The following EFR3A variants were observed in gnomAD, a reference collection of about 807,000 sequenced individuals.
The protein encoded by EFR3A is protein EFR3 homolog A.
Under a neutral mutation model 104.4 loss-of-function variants are expected in EFR3A, and 76 were observed. The observed-to-expected ratio is 0.73, with a 90% CI of 0.60 to 0.88. The LOEUF (loss-of-function observed/expected upper bound fraction) is 0.88, where lower values mean the gene tolerates loss of function less well. EFR3A is among the 40% of genes least tolerant of loss of function. The probability of loss-of-function intolerance (pLI) is 0.00; values close to 1 mark genes in which losing one functional copy is unlikely to be tolerated. For synonymous variants in EFR3A, 330 were observed against 330.0 expected, an observed-to-expected ratio of 1.00 and a Z score of 0.00; for missense variants, 985 against 1,012.5, an observed-to-expected ratio of 0.97 and a Z score of 0.37.
At chr8:131,968,675 A>G (rs1052295407) in intron 9 of EFR3A, among the ~76,000 whole-genome samples, 1 of 152,060 alleles carries the variant, frequency 6.6e-6, no homozygotes, top group Non-Finnish European at 1.5e-5. Context: ...TTGAGTATTG[A>G]TTATATACTG....
intron 8 of EFR3A, among the ~76,000 whole-genome samples, chr8:131,963,759 A>C (rs1186522704): frequency 6.6e-6 from 1 of 152,196 alleles, no homozygotes; most frequent in Non-Finnish European, 1.5e-5. Context: ...CCTGGCAGAG[A>C]CACATCAAAA....
intron 1 of EFR3A, among the ~76,000 whole-genome samples, chr8:131,922,024 G>A (rs770675661): frequency 2.6e-5 from 4 of 152,096 alleles, no homozygotes; most frequent in Non-Finnish European, 4.4e-5. Flanking sequence ...ACCAAGGTTT[G>A]GGCAGGATCA....
intron 9 of EFR3A, among the ~76,000 whole-genome samples, chr8:131,969,687 T>C (rs1289836974): frequency 1.3e-5 from 2 of 152,188 alleles, no homozygotes; most frequent in Non-Finnish European, 2.9e-5. Context: ...TTTTCTGTTT[T>C]ATCTTGTAAC....
chr8:131,955,692 A>G (rs960128397), intron 6 of EFR3A, 76 bp from the exon 7 acceptor site: 3 of 1,471,554 alleles, frequency 2.0e-6, no homozygotes, highest in Non-Finnish European at 2.7e-6. Flanking sequence ...ACATTTCTAA[A>G]AAGTAAAGTA....
chr8:131,968,081 A>G lies in EFR3A; in HGVS notation c.856-214A>G, dbSNP rs574606480. ...TTTATTAAACATAGAATTGTGCAGTATGCTTTTTTTCACTCAGAGTGTCAT... is the reference window on the plus strand; with the variant it reads ...TTTATTAAACATAGAATTGTGCAGTGTGCTTTTTTTCACTCAGAGTGTCAT... On this transcript the variant is annotated intron_variant, in intron 8 of 22. Transcript: ENST00000254624. Among the ~76,000 whole-genome samples the G allele has an allele frequency of 2.0e-5, 3 of 152,258 alleles. No individual in the cohort carries two copies. The South Asian group carries it at 6.2e-4, about 32-fold the overall frequency.
intron 1 of EFR3A, among the ~76,000 whole-genome samples, chr8:131,929,735 T>C (rs1167459490): frequency 1.3e-5 from 2 of 152,152 alleles, no homozygotes; most frequent in Admixed American, 1.3e-4. Context: ...CCCATTTATG[T>C]ATATTTCTGA....
At chr8:131,943,039 A>G (rs1053582873) in intron 2 of EFR3A, among the ~76,000 whole-genome samples, 16 of 152,214 alleles carry the variant, frequency 1.1e-4, no homozygotes, top group African/African-American at 3.9e-4. Context: ...AACATCCCTA[A>G]TCCAAAAACC....
chr8:131,996,839 A>G (rs1287980269), intron 19 of EFR3A, among the ~76,000 whole-genome samples: 3 of 152,136 alleles, frequency 2.0e-5, no homozygotes, highest in Non-Finnish European at 4.4e-5. Flanking sequence ...TGGGCCCTCT[A>G]GGTCCTACTT....
At chr8:132,006,289 A>G (rs1330867573) in intron 22 of EFR3A, among the ~76,000 whole-genome samples, 1 of 152,134 alleles carries the variant, frequency 6.6e-6, no homozygotes, top group Admixed American at 6.5e-5. Flanking sequence ...TTGTTCTTTG[A>G]AATGGTTGAT....
intron 5 of EFR3A, among the ~76,000 whole-genome samples, chr8:131,952,133 TACCACCACCACC>T (rs916628157): frequency 2.0e-5 from 3 of 151,734 alleles, no homozygotes; most frequent in Non-Finnish European, 2.9e-5. Flanking sequence ...TGGTAGAAAT[TACCACCACCACC>T]ACCACCACCA....
intron 12 of EFR3A, among the ~76,000 whole-genome samples, chr8:131,977,970 T>C (rs1381256247): frequency 6.6e-6 from 1 of 152,184 alleles, no homozygotes; most frequent in African/African-American, 2.4e-5. Context: ...TTTAGAACTT[T>C]AATCTGAAGT....
At chr8:131,933,744 T>C (rs1041145971) in intron 1 of EFR3A, among the ~76,000 whole-genome samples, 1 of 151,588 alleles carries the variant, frequency 6.6e-6, no homozygotes, top group African/African-American at 2.4e-5. Flanking sequence ...AAAATTGTAA[T>C]AGTGGGAAAA....
intron 1 of EFR3A, among the ~76,000 whole-genome samples, chr8:131,907,215 T>C (rs1802841366): frequency 6.6e-6 from 1 of 152,238 alleles, no homozygotes; most frequent in Non-Finnish European, 1.5e-5. Flanking sequence ...TGCATTTGCT[T>C]CCATCCTGTC....
Position 132,011,363 on chromosome 8 carries a change from G to T in EFR3A, c.*468G>T. On this transcript the variant is annotated 3_prime_UTR_variant, in exon 23 of 23. Coordinates refer to ENST00000254624, the MANE Select transcript of EFR3A (RefSeq NM_015137.6). ...TAGTCCTGGGACTGCAAAACTGTTC[G>T]GTGGCTTTTTGTCCCCATGCTTTAG... 1.0e-6 allele frequency: 1 copy of T among 986,094 alleles called. No homozygotes were observed. The highest frequency in any genetic ancestry group is 1.2e-6 in the Non-Finnish European group (1 of 830,404). The allele number at this position is 986,094 out of a possible 1,614,324, so 61.1% of individuals were successfully genotyped here.
Position 131,904,148 on chromosome 8 carries a change from G to C in EFR3A, c.-165G>C, listed in dbSNP as rs1328161921. On this transcript the variant is annotated 5_prime_UTR_variant, in exon 1 of 23. Coordinates refer to ENST00000254624, the MANE Select transcript of EFR3A (RefSeq NM_015137.6). ...TGGCGGCGGTAGCTGTCGCCCGCTT[G>C]GTTGCGTGACCGCGGGGTCCGCGTC... 1.3e-6 allele frequency: 1 copy of C among 775,316 alleles called. No homozygotes were observed. Among genetic ancestry groups the C allele is most frequent in the East Asian group, 3.5e-5 (1 of 28,466 alleles). The allele number at this position is 775,316 out of a possible 1,614,324, so 48.0% of individuals were successfully genotyped here. A position where few individuals can be genotyped will look rare whatever the true frequency, so the allele number is the denominator to read the frequency against.
intron 20 of EFR3A, 80 bp from the exon 21 acceptor site, chr8:132,002,522 TC>T: frequency 8.8e-7 from 1 of 1,133,810 alleles, no homozygotes; most frequent in Non-Finnish European, 1.3e-6. Flanking sequence ...GGATGATATA[TC>T]ATTAACTCTT....
intron 10 of EFR3A, 119 bp downstream of exon 10, chr8:131,970,762 A>AG: frequency 9.5e-7 from 1 of 1,048,010 alleles, no homozygotes; most frequent in Non-Finnish European, 1.3e-6. Context: ...TAAATTTCTG[A>AG]AAATTTAATT....
At position 131,968,445 on chromosome 8, in the gene EFR3A, A is replaced by G; in HGVS notation, c.991+15A>G. ...AGGTTCCATAGGTGAGTGCCAATAA[A>G]TAAAATAAAATAGTGCGTTGATCTG... On this transcript the variant is annotated intron_variant, in intron 9 of 22. Coordinates refer to ENST00000254624, the MANE Select transcript of EFR3A (RefSeq NM_015137.6). 1 of 1,611,746 alleles carries G rather than the reference A, an allele frequency of 6.2e-7. No homozygotes were observed. The highest frequency in any genetic ancestry group is 8.5e-7 in the Non-Finnish European group (1 of 1,178,300).
At chr8:131,938,186 A>G (rs1818001334) in intron 1 of EFR3A, 1 of 397,138 alleles carries the variant, frequency 2.5e-6, no homozygotes, top group Non-Finnish European at 4.4e-6. Context: ...AAAAGGATCT[A>G]GAGTCAGAAA....
Sources: allele counts gnomAD v4.1 joint callset (sites outside exome capture counted in the v4.1 genomes callset), GRCh38; gene constraint gnomAD v4.1.1; transcripts MANE v1.5; gene names NCBI Gene and HGNC (gene_info 2026-07-23, HGNC 2026-07-21).